Variants in CSNK2A2IP observed in about 807,000 individuals in gnomAD.
CSNK2A2IP encodes casein kinase 2 subunit alpha' interacting protein.
chr3:88,389,432 G>A, the CSNK2A2IP span, among the ~76,000 whole-genome samples: 6 of 152,186 alleles, frequency 3.9e-5, no homozygotes, highest in Non-Finnish European at 7.3e-5. Context: ...AGTGAGGCAG[G>A]ATGAGAGCAG....
chr3:88,343,708 CA>C, the CSNK2A2IP span, among the ~76,000 whole-genome samples: 1 of 151,812 alleles, frequency 6.6e-6, no homozygotes, highest in Non-Finnish European at 1.5e-5. Context: ...AATCACTAAA[CA>C]AAAGTCATTG....
chr3:88,393,697 G>A, the CSNK2A2IP span, among the ~76,000 whole-genome samples: 1 of 152,222 alleles, frequency 6.6e-6, no homozygotes, highest in African/African-American at 2.4e-5. Flanking sequence ...TTTACTTTAT[G>A]GTTAGACAAG....
chr3:88,403,211 A>G, the CSNK2A2IP span, among the ~76,000 whole-genome samples: 7 of 152,080 alleles, frequency 4.6e-5, no homozygotes, highest in Non-Finnish European at 8.8e-5. Context: ...TTGCAAAACT[A>G]TTTCTCAAGT....
At chr3:88,354,252 TA>T in the CSNK2A2IP span, among the ~76,000 whole-genome samples, 1 of 152,186 alleles carries the variant, frequency 6.6e-6, no homozygotes, top group Admixed American at 6.5e-5. Flanking sequence ...CAACACAAAA[TA>T]GACTAATACA....
chr3:88,380,517 A>T, the CSNK2A2IP span, among the ~76,000 whole-genome samples: 1 of 151,770 alleles, frequency 6.6e-6, no homozygotes. Context: ...ATTTATTAAG[A>T]TCACTAGATC....
At chr3:88,446,030 TTTTCTTTCTTTCTTTCTTTCTTTC>T in the CSNK2A2IP span, among the ~76,000 whole-genome samples, 449 of 58,174 alleles carry the variant, frequency 7.7e-3, 12 homozygotes, top group East Asian at 0.022. Context: ...TCTTTGTTTC[TTTTCTTTCTTTCTTTCTTTCTTTC>T]TTTCTTTCTT....
At chr3:88,456,581 T>A in the CSNK2A2IP span, among the ~76,000 whole-genome samples, 3 of 152,160 alleles carry the variant, frequency 2.0e-5, no homozygotes, top group East Asian at 5.8e-4. Flanking sequence ...CTTGTTCTAA[T>A]AGTTTTTGGG....
the CSNK2A2IP span, among the ~76,000 whole-genome samples, chr3:88,341,685 A>G: frequency 6.6e-6 from 1 of 151,976 alleles, no homozygotes; most frequent in African/African-American, 2.4e-5. Context: ...ATTTGGCTTT[A>G]GATGACCTTG....
chr3:88,434,391 T>C, the CSNK2A2IP span, among the ~76,000 whole-genome samples: 3 of 152,082 alleles, frequency 2.0e-5, no homozygotes, highest in African/African-American at 7.2e-5. Context: ...TGAGAGAGGA[T>C]CTCTCTACCT....
At chr3:88,456,147 T>C in the CSNK2A2IP span, among the ~76,000 whole-genome samples, 1 of 152,036 alleles carries the variant, frequency 6.6e-6, no homozygotes, top group Non-Finnish European at 1.5e-5. Flanking sequence ...CTTACTCCAA[T>C]TACTTCTGTT....
At chr3:88,352,946 A>G in the CSNK2A2IP span, among the ~76,000 whole-genome samples, 1 of 152,184 alleles carries the variant, frequency 6.6e-6, no homozygotes, top group African/African-American at 2.4e-5. Flanking sequence ...GCAAAGGGCC[A>G]ATTCTAATAA....
At chr3:88,396,060 A>G in the CSNK2A2IP span, among the ~76,000 whole-genome samples, 1 of 151,988 alleles carries the variant, frequency 6.6e-6, no homozygotes, top group East Asian at 1.9e-4. Flanking sequence ...AGACATTGAT[A>G]AAAGAGTCAC....
the CSNK2A2IP span, among the ~76,000 whole-genome samples, chr3:88,357,465 C>T: frequency 5.9e-5 from 9 of 152,140 alleles, no homozygotes; most frequent in Admixed American, 5.9e-4. Context: ...CAGTATAATG[C>T]TGTTTTGCTT....
At chr3:88,351,912 C>T in the CSNK2A2IP span, among the ~76,000 whole-genome samples, 1 of 152,040 alleles carries the variant, frequency 6.6e-6, no homozygotes, top group Non-Finnish European at 1.5e-5. Context: ...TTTTGTGATG[C>T]TGTTACTGGA....
the CSNK2A2IP span, among the ~76,000 whole-genome samples, chr3:88,389,226 C>A: frequency 8.0e-6 from 1 of 124,980 alleles, no homozygotes; most frequent in South Asian, 3.3e-4. Context: ...GAGACAGTAA[C>A]ATTTAATTTA....
chr3:88,430,234 A>G, the CSNK2A2IP span, among the ~76,000 whole-genome samples: 1 of 152,048 alleles, frequency 6.6e-6, no homozygotes, highest in South Asian at 2.1e-4. Flanking sequence ...TTATTCCTGA[A>G]AGAAAGGTTT....
At chr3:88,379,206 T>C in the CSNK2A2IP span, among the ~76,000 whole-genome samples, 1 of 152,048 alleles carries the variant, frequency 6.6e-6, no homozygotes. Context: ...ATTTTGCACA[T>C]GGAAAGCTCC....
At chr3:88,360,365 C>T in the CSNK2A2IP span, among the ~76,000 whole-genome samples, 1 of 152,062 alleles carries the variant, frequency 6.6e-6, no homozygotes, top group Non-Finnish European at 1.5e-5. Flanking sequence ...GATCTCCTGA[C>T]CTTGTGATCC....
At chr3:88,342,737 T>TGTATATAC in the CSNK2A2IP span, among the ~76,000 whole-genome samples, 1 of 150,814 alleles carries the variant, frequency 6.6e-6, no homozygotes, top group East Asian at 1.9e-4. Context: ...AATGCAAAAC[T>TGTATATAC]GTATATACAT....
Sources: allele counts gnomAD v4.1 joint callset (sites outside exome capture counted in the v4.1 genomes callset), GRCh38; gene constraint gnomAD v4.1.1; transcripts MANE v1.5; gene names NCBI Gene and HGNC (gene_info 2026-07-23, HGNC 2026-07-21).